The following LHFPL3 variants were observed in gnomAD, a reference collection of about 807,000 sequenced individuals.
LHFPL3 encodes the protein LHFPL tetraspan subfamily member 3 protein.
LHFPL3 carries 5 observed loss-of-function variants against 19.3 expected under a neutral mutation model. The observed-to-expected ratio is 0.26, with a 90% CI of 0.14 to 0.54. The LOEUF (loss-of-function observed/expected upper bound fraction) is 0.54, where lower values mean the gene tolerates loss of function less well. LHFPL3 is among the 20% of genes least tolerant of loss of function. The pLI, the probability that LHFPL3 is intolerant of heterozygous loss-of-function variation, is 0.94. For synonymous variants in LHFPL3, 133 were observed against 126.2 expected, an observed-to-expected ratio of 1.05 and a Z score of -0.36; for missense variants, 249 against 307.4, an observed-to-expected ratio of 0.81 and a Z score of 1.42.
At chr7:104,762,490 G>A (rs1794390835) in intron 2 of LHFPL3, among the ~76,000 whole-genome samples, 1 of 152,180 alleles carries the variant, frequency 6.6e-6, no homozygotes, top group South Asian at 2.1e-4. Context: ...CCAAGGGCAG[G>A]AGGGGTAAGG....
chr7:104,844,237 T>C (rs1456488720), intron 2 of LHFPL3, among the ~76,000 whole-genome samples: 1 of 152,200 alleles, frequency 6.6e-6, no homozygotes, highest in African/African-American at 2.4e-5. Flanking sequence ...TCCCCATCCA[T>C]GCACTGGCAC....
chr7:104,364,939 G>T (rs1790455069), intron 1 of LHFPL3, among the ~76,000 whole-genome samples: 1 of 152,166 alleles, frequency 6.6e-6, no homozygotes, highest in Admixed American at 6.5e-5. Flanking sequence ...TTGAGAGAAG[G>T]AGTCAGTTGA....
At chr7:104,520,667 T>G (rs1449209858) in intron 1 of LHFPL3, among the ~76,000 whole-genome samples, 1 of 144,498 alleles carries the variant, frequency 6.9e-6, no homozygotes, top group Non-Finnish European at 1.5e-5. Context: ...CTTCCTGGTT[T>G]AGTCTTGGAA....
chr7:104,444,929 G>T (rs1387680025), intron 1 of LHFPL3, among the ~76,000 whole-genome samples: 2 of 151,968 alleles, frequency 1.3e-5, no homozygotes, highest in African/African-American at 2.4e-5. Context: ...TGGAGGTTGC[G>T]GTGAGTTGAA....
At chr7:104,773,904 G>C (rs1351877670) in intron 2 of LHFPL3, among the ~76,000 whole-genome samples, 1 of 152,264 alleles carries the variant, frequency 6.6e-6, no homozygotes, top group Non-Finnish European at 1.5e-5. Flanking sequence ...ATCCAGAACT[G>C]TGAGACAATA....
chr7:104,603,130 C>CT (rs1181148779), intron 1 of LHFPL3, among the ~76,000 whole-genome samples: 1 of 98,726 alleles, frequency 1.0e-5, no homozygotes, highest in Non-Finnish European at 2.1e-5. Context: ...TTCTTTCTTT[C>CT]TTTTTTCCCT....
chr7:104,851,810 C>T (rs989991490), intron 2 of LHFPL3, among the ~76,000 whole-genome samples: 10 of 152,054 alleles, frequency 6.6e-5, no homozygotes, highest in African/African-American at 1.9e-4. Context: ...CCTTGTCACC[C>T]GTGACCTAAG....
At chr7:104,333,790 A>G (rs1335825511) in intron 1 of LHFPL3, among the ~76,000 whole-genome samples, 3 of 152,180 alleles carry the variant, frequency 2.0e-5, no homozygotes, top group Non-Finnish European at 4.4e-5. Context: ...GCACATTTCC[A>G]TGTTTATTTA....
At chr7:104,439,570 A>G (rs185336991) in intron 1 of LHFPL3, among the ~76,000 whole-genome samples, 14 of 152,232 alleles carry the variant, frequency 9.2e-5, no homozygotes, top group African/African-American at 3.4e-4. Flanking sequence ...ATGCCATAAG[A>G]TTATCAAATA....
intron 1 of LHFPL3, among the ~76,000 whole-genome samples, chr7:104,726,786 T>G (rs1793599912): frequency 6.6e-6 from 1 of 152,200 alleles, no homozygotes. Context: ...AGTGCTGCAA[T>G]AAACATATGC....
At chr7:104,555,963 T>G (rs939825818) in intron 1 of LHFPL3, among the ~76,000 whole-genome samples, 1 of 152,188 alleles carries the variant, frequency 6.6e-6, no homozygotes, top group African/African-American at 2.4e-5. Flanking sequence ...CAGTAAAATC[T>G]TAAAGCTCCA....
intron 1 of LHFPL3, among the ~76,000 whole-genome samples, chr7:104,600,644 T>A (rs761251992): frequency 2.0e-5 from 3 of 152,170 alleles, no homozygotes; most frequent in Non-Finnish European, 4.4e-5. Flanking sequence ...TGGCAAAAAT[T>A]TAGAGGCACC....
intron 2 of LHFPL3, among the ~76,000 whole-genome samples, chr7:104,860,174 CCACCCACA>C (rs1259633784): frequency 2.5e-4 from 20 of 81,048 alleles, no homozygotes; most frequent in South Asian, 1.9e-3. Flanking sequence ...ACACATACAC[CCACCCACA>C]CACACACACA....
intron 2 of LHFPL3, among the ~76,000 whole-genome samples, chr7:104,850,132 G>A (rs942092591): frequency 2.4e-4 from 37 of 152,066 alleles, no homozygotes; most frequent in African/African-American, 5.8e-4. Flanking sequence ...GAGAAGCCCC[G>A]TCTCTACTAA....
chr7:104,792,403 A>G (rs1452130678), intron 2 of LHFPL3, among the ~76,000 whole-genome samples: 1 of 152,244 alleles, frequency 6.6e-6, no homozygotes, highest in East Asian at 1.9e-4. Flanking sequence ...CCGTGAGTCC[A>G]GACTCTATTA....
chr7:104,567,154 G>T (rs1020389983), intron 1 of LHFPL3, among the ~76,000 whole-genome samples: 2 of 152,214 alleles, frequency 1.3e-5, no homozygotes, highest in East Asian at 3.8e-4. Flanking sequence ...TGTGAAAGCA[G>T]AGTTTCCAAT....
At chr7:104,332,937 C>G (rs1233478762) in intron 1 of LHFPL3, among the ~76,000 whole-genome samples, 2 of 86,078 alleles carry the variant, frequency 2.3e-5, no homozygotes, top group Admixed American at 1.5e-4. Flanking sequence ...AAGGCAATTT[C>G]TTCAGAAGGA....
intron 2 of LHFPL3, among the ~76,000 whole-genome samples, chr7:104,865,870 A>T (rs1368068959): frequency 1.3e-5 from 2 of 152,228 alleles, no homozygotes; most frequent in Non-Finnish European, 2.9e-5. Flanking sequence ...GAATAACAGC[A>T]GATCTCTCAG....
intron 1 of LHFPL3, among the ~76,000 whole-genome samples, chr7:104,343,234 G>C (rs537605045): frequency 1.9e-4 from 29 of 151,928 alleles, no homozygotes; most frequent in African/African-American, 6.5e-4. Context: ...GAAGCCAAAG[G>C]CTGGGTGTGG....
Sources: gnomAD v4.1 joint callset for allele counts (sites outside exome capture counted in the v4.1 genomes callset) on GRCh38, gnomAD v4.1.1 for gene constraint, MANE v1.5 for transcripts, NCBI Gene and HGNC (gene_info 2026-07-23, HGNC 2026-07-21) for gene names.